Variants in WBP4 observed in about 807,000 individuals in gnomAD.
WBP4 encodes WW domain binding protein 4, also known as WW domain-binding protein 4.
Under a neutral mutation model 55.4 loss-of-function variants are expected in WBP4, and 37 were observed. The ratio of observed to expected loss-of-function variants is 0.67; its 90% CI spans 0.51 to 0.88. The LOEUF is 0.88. WBP4 is among the 40% of genes least tolerant of loss of function. The pLI, the probability that WBP4 is intolerant of heterozygous loss-of-function variation, is 0.00. For synonymous variants in WBP4, 142 were observed against 140.2 expected (o/e 1.01, Z -0.09); for missense variants, 398 against 420.8 (o/e 0.95, Z 0.47).
chr13:41,062,225 T>C, intron 1 of WBP4: 13 of 984,664 alleles, frequency 1.3e-5, no homozygotes, highest in Non-Finnish European at 1.6e-5. Flanking sequence ...ACTACAGTTT[T>C]CCCCAGAGTA....
chr13:41,062,251 C>G (rs1392827766), intron 1 of WBP4: 3 of 984,770 alleles, frequency 3.0e-6, no homozygotes, highest in African/African-American at 3.5e-5. Flanking sequence ...GTACGTTGTT[C>G]TCTTGGTGGG....
chr13:41,081,195 C>T (rs757839979), intron 9 of WBP4, among the ~76,000 whole-genome samples: 3 of 151,446 alleles, frequency 2.0e-5, no homozygotes, highest in African/African-American at 7.3e-5. Context: ...GACTCCATCT[C>T]GAAAAAGAAA....
At chr13:41,075,903 C>CT (rs1878458719) in intron 7 of WBP4, 141 bp from the exon 8 acceptor site, 1 of 930,986 alleles carries the variant, frequency 1.1e-6, no homozygotes, top group African/African-American at 1.7e-5. Context: ...TTTGAGAACT[C>CT]TGTTATCTTC....
At position 41,061,527 on chromosome 13, in the gene WBP4, A is replaced by C; in HGVS notation, c.-147A>C. On this transcript the variant is annotated 5_prime_UTR_variant, in exon 1 of 10. Coordinates refer to ENST00000379487, the MANE Select transcript of WBP4 (RefSeq NM_007187.5). ...GGCACCCGTAGTTGGGAACAGCGGA[A>C]CGCTGGTCCCGGGGACTGAGTAAGG... 6 of 1,285,432 alleles carry C rather than the reference A, an allele frequency of 4.7e-6. No homozygotes were observed. The highest frequency in any genetic ancestry group is 4.4e-6 in the Non-Finnish European group (4 of 910,064). The allele number at this position is 1,285,432 out of a possible 1,614,324, so 79.6% of individuals were successfully genotyped here. A position where few individuals can be genotyped will look rare whatever the true frequency, so the allele number is the denominator to read the frequency against.
chr13:41,064,522 T>C (rs1287633543), intron 2 of WBP4, among the ~76,000 whole-genome samples: 5 of 152,200 alleles, frequency 3.3e-5, no homozygotes, highest in Non-Finnish European at 5.9e-5. Flanking sequence ...TAAAAGTGTT[T>C]GCTTATAATT....
chr13:41,062,688 G>A lies in WBP4; in HGVS notation c.47G>A (p.Cys16Tyr), dbSNP rs1329626858. 1.2e-6 allele frequency: 2 copies of A among 1,613,638 alleles called. No individual in the cohort carries two copies. The highest frequency in any genetic ancestry group is 1.7e-6 in the Non-Finnish European group (2 of 1,179,714). ...KSQPKKFCDYCKCWIADNRPS... is the reference protein window; with the variant it reads ...KSQPKKFCDYYKCWIADNRPS... ...CAGCCAAAGAAATTCTGTGATTACTGCAAGTGCTGGATAGCAGACAATAGG... is the reference window on the plus strand; with the variant it reads ...CAGCCAAAGAAATTCTGTGATTACTACAAGTGCTGGATAGCAGACAATAGG... The change falls in exon 2 of 10, where the codon TGC (cysteine) becomes TAC (tyrosine). Residue 16 changes from cysteine to tyrosine, a missense_variant. Physicochemically the swap from Cys to Tyr is radical, Grantham distance 194 (BLOSUM62 -2). Coordinates refer to ENST00000379487, the MANE Select transcript of WBP4 (RefSeq NM_007187.5).
At chr13:41,080,871 C>T (rs1878745243) in intron 9 of WBP4, 62 bp downstream of exon 9, 3 of 1,510,230 alleles carry the variant, frequency 2.0e-6, no homozygotes, top group East Asian at 2.3e-5. Context: ...CAGTACTTCC[C>T]TAAATTGCAG....
chr13:41,068,809 G>C (rs1566209921), intron 5 of WBP4, 72 bp downstream of exon 5: 8 of 1,390,132 alleles, frequency 5.8e-6, no homozygotes, highest in East Asian at 5.0e-5. Context: ...TTTTATGTTA[G>C]GATTTTTATC....
intron 7 of WBP4, among the ~76,000 whole-genome samples, chr13:41,074,459 C>G (rs1878390181): frequency 6.6e-6 from 1 of 151,996 alleles, no homozygotes; most frequent in African/African-American, 2.4e-5. Flanking sequence ...TATTCCAGTA[C>G]AATTGAAGGT....
rs76261209 is a variant in WBP4 at position 41,066,287 on chromosome 13, T to C, written c.262+1000T>C. Among the ~76,000 whole-genome samples the C allele has an allele frequency of 3.3e-4, 50 of 152,350 alleles. No individual in the cohort carries two copies. In the East Asian group the frequency reaches 9.1e-3, roughly 28 times the overall value. On this transcript the variant is annotated intron_variant, in intron 4 of 9. Transcript: ENST00000379487. ...ATTTTATATTTAAATGGATTTTTCCTATTAAATATTACCATAGCCTTGTTT... is the reference window on the plus strand; with the variant it reads ...ATTTTATATTTAAATGGATTTTTCCCATTAAATATTACCATAGCCTTGTTT...
chr13:41,081,073 T>C (rs1489856716), intron 9 of WBP4, among the ~76,000 whole-genome samples: 6 of 152,014 alleles, frequency 3.9e-5, no homozygotes, highest in African/African-American at 1.5e-4. Context: ...GGCATGTAGC[T>C]GTGATCCCAG....
chr13:41,077,656 A>G (rs1342471080), intron 8 of WBP4, among the ~76,000 whole-genome samples: 1 of 152,196 alleles, frequency 6.6e-6, no homozygotes, highest in Non-Finnish European at 1.5e-5. Context: ...AAGAGAAAGA[A>G]GTAAAAGGCA....
chr13:41,067,895 C>T (rs1878044777), intron 4 of WBP4, among the ~76,000 whole-genome samples: 1 of 151,726 alleles, frequency 6.6e-6, no homozygotes, highest in Non-Finnish European at 1.5e-5. Flanking sequence ...CATTATTTTA[C>T]TTTGTGTTCT....
Position 41,068,654 on chromosome 13 carries a change from G to GA in WBP4, c.363dup (p.Asp122ArgfsTer14). The GA allele has an allele frequency of 6.2e-7, 1 of 1,613,382 alleles. No homozygotes were observed. The highest frequency in any genetic ancestry group is 8.5e-7 in the Non-Finnish European group (1 of 1,179,762). ...AAAGAAAAGAAAGAAAAGAAGAAAA[G>GA]AAAAAAAGATCCTTCAAAGGGCAGA... On this transcript the variant is annotated frameshift_variant, in exon 5 of 10. Transcript: ENST00000379487. LOFTEE classifies it high-confidence loss of function.
chr13:41,064,862 T>G (rs1456711684), intron 2 of WBP4, among the ~76,000 whole-genome samples, 154 bp from the exon 3 acceptor site: 1 of 152,172 alleles, frequency 6.6e-6, no homozygotes, highest in Non-Finnish European at 1.5e-5. Flanking sequence ...ATCATTTGAT[T>G]AAAAGGGCCA....
Position 41,080,650 on chromosome 13 carries a change from AAAAT to A in WBP4, c.765_768del (p.Asn255LysfsTer23). Reference sequence around the variant, plus strand: ...TTCTTGGCTTTTACATTTCAGGAAAAAAATAAAAATAGTGATGGAGGAAGTGACC... The same window carrying A: ...TTCTTGGCTTTTACATTTCAGGAAAAAAAAATAGTGATGGAGGAAGTGACC... On this transcript the variant is annotated frameshift_variant, in exon 9 of 10. Transcript: ENST00000379487. LOFTEE classifies it high-confidence loss of function. 6.3e-7 allele frequency: 1 copy of A among 1,576,174 alleles called. No homozygotes were observed. The highest frequency in any genetic ancestry group is 8.5e-7 in the Non-Finnish European group (1 of 1,170,712).
chr13:41,068,546 CTCTCA>C lies in WBP4; in HGVS notation c.263-10_263-6del. The C allele has an allele frequency of 6.3e-7, 1 of 1,576,430 alleles. No individual in the cohort carries two copies. Among genetic ancestry groups the C allele is most frequent in the Non-Finnish European group, 8.6e-7 (1 of 1,165,018 alleles). On this transcript the variant is annotated splice_polypyrimidine_tract_variant and intron_variant, in intron 4 of 9. Coordinates refer to ENST00000379487, the MANE Select transcript of WBP4 (RefSeq NM_007187.5). ...TAGTTACTATAGCTGCTTTACCCTT[CTCTCA>C]TCTCTTTAGAAATTTTGGAGCCAAG... is the stretch of plus-strand genomic sequence containing the variant.
chr13:41,082,115 GT>G (rs1221342208), intron 9 of WBP4, among the ~76,000 whole-genome samples: 1 of 152,142 alleles, frequency 6.6e-6, no homozygotes, highest in Non-Finnish European at 1.5e-5. Flanking sequence ...TGAAGGGCTA[GT>G]TCTTAGCAAA....
intron 2 of WBP4, among the ~76,000 whole-genome samples, chr13:41,064,475 A>G (rs1329520): frequency 0.24 from 36,449 of 152,092 alleles, 4,930 homozygotes; most frequent in South Asian, 0.4. Flanking sequence ...ATTATCCTCC[A>G]TAGAAGTTGT....
Sources: gnomAD v4.1 joint callset for allele counts (sites outside exome capture counted in the v4.1 genomes callset) on GRCh38, gnomAD v4.1.1 for gene constraint, MANE v1.5 for transcripts, NCBI Gene and HGNC (gene_info 2026-07-23, HGNC 2026-07-21) for gene names.